Variants in MOG observed in about 807,000 individuals in gnomAD.
MOG encodes the protein myelin-oligodendrocyte glycoprotein.
MOG carries 20 observed loss-of-function variants against 35.9 expected under a neutral mutation model. That is an observed-to-expected ratio of 0.56 (90% CI 0.39 to 0.81). The LOEUF (loss-of-function observed/expected upper bound fraction) is 0.81, where lower values mean the gene tolerates loss of function less well. Ranked by LOEUF, MOG falls within the 30% of genes least tolerant of loss-of-function variation. MOG has a pLI of 0.00. For synonymous variants in MOG, 92 were observed against 114.3 expected (o/e 0.80, Z 1.25); for missense variants, 251 against 301.0 (o/e 0.83, Z 1.23).
chr6:29,667,605 A>C, intron 3 of MOG, 38 bp from the exon 4 acceptor site: 1 of 1,613,750 alleles, frequency 6.2e-7, no homozygotes, highest in Non-Finnish European at 8.5e-7. Context: ...GAGAGCCAGA[A>C]CATGCAGGAA....
In MOG at chr6:29,659,789, G is replaced by A. The variant is rs544244173; in HGVS notation, c.436+123G>A. ...TCCTGGGAATGATTTCCATAAAAAT[G>A]TACACATCAATAAACAGAAACTCAT... On this transcript the variant is annotated intron_variant, in intron 2 of 7. Coordinates refer to ENST00000376917, the MANE Select transcript of MOG (RefSeq NM_206809.4). The A allele has an allele frequency of 9.8e-6, 8 of 817,416 alleles. No homozygotes were observed. The Admixed American group carries it at 1.6e-4, about 17-fold the overall frequency. 50.6% of individuals were successfully genotyped at this position (817,416 alleles called of 1,614,324 possible). A position where few individuals can be genotyped will look rare whatever the true frequency, so the allele number is the denominator to read the frequency against.
chr6:29,671,429 C>T lies in MOG; in HGVS notation c.*244C>T, dbSNP rs1264408839. 1 of 1,610,434 alleles carries T rather than the reference C, an allele frequency of 6.2e-7. No individual in the cohort carries two copies. The highest frequency in any genetic ancestry group is 8.5e-7 in the Non-Finnish European group (1 of 1,177,752). On this transcript the variant is annotated 3_prime_UTR_variant, in exon 8 of 8. Transcript: ENST00000376917. ...TTCCATTTCTCTCTCCAGTCTTCCA[C>T]CTGGAAGCCCTCTCTGGCTAAGGAC...
At chr6:29,668,416 C>T (rs1387121107) in intron 5 of MOG, among the ~76,000 whole-genome samples, 2 of 152,220 alleles carry the variant, frequency 1.3e-5, no homozygotes, top group African/African-American at 4.8e-5. Flanking sequence ...ATTGACCCCT[C>T]AAGGACATGG....
intron 3 of MOG, among the ~76,000 whole-genome samples, chr6:29,667,191 T>C (rs2857771): frequency 0.072 from 10,885 of 152,170 alleles, 717 homozygotes; most frequent in African/African-American, 0.17. Context: ...AAAACATCCT[T>C]CGTCCTAAAT....
chr6:29,667,195 C>T (rs17178091), intron 3 of MOG, among the ~76,000 whole-genome samples: 3,690 of 152,244 alleles, frequency 0.024, 91 homozygotes, highest in African/African-American at 0.064. Context: ...CATCCTTCGT[C>T]CTAAATTGTA....
chr6:29,667,951 C>T, intron 5 of MOG, 27 bp downstream of exon 5: 1 of 1,612,352 alleles, frequency 6.2e-7, no homozygotes, highest in Non-Finnish European at 8.5e-7. Context: ...CTAGGCCCTC[C>T]CAGGTCAACT....
intron 2 of MOG, among the ~76,000 whole-genome samples, chr6:29,661,037 A>T (rs1447407700): frequency 6.6e-6 from 1 of 152,176 alleles, no homozygotes; most frequent in Non-Finnish European, 1.5e-5. Flanking sequence ...CATGTTTTGC[A>T]TGATGGGTGA....
In MOG at chr6:29,662,991, C is replaced by T. The variant is rs1357772290; in HGVS notation, c.437-3161C>T. ...AACACTTTTTAAAAAATAAATAGGC[C>T]GGGCGCGGTGGCTCACACCTGTAAT... On this transcript the variant is annotated intron_variant, in intron 2 of 7. Coordinates refer to ENST00000376917, the MANE Select transcript of MOG (RefSeq NM_206809.4). The surrounding 1 kb of genome is among the most constrained non-coding windows in gnomAD (Gnocchi z 4.2). Among the ~76,000 whole-genome samples, 3 of 152,116 alleles carry T rather than the reference C, an allele frequency of 2.0e-5. No individual in the cohort carries two copies. Among genetic ancestry groups the T allele is most frequent in the Non-Finnish European group, 4.4e-5 (3 of 68,024 alleles).
At chr6:29,666,396 G>A (rs1554207167) in intron 3 of MOG, 131 bp downstream of exon 3, 3 of 626,858 alleles carry the variant, frequency 4.8e-6, no homozygotes, top group Admixed American at 2.8e-5. Flanking sequence ...GAGTGATAAA[G>A]AAAAAAAATA....
chr6:29,663,739 G>A (rs1368851759), intron 2 of MOG, among the ~76,000 whole-genome samples: 1 of 152,020 alleles, frequency 6.6e-6, no homozygotes, highest in Non-Finnish European at 1.5e-5. Flanking sequence ...GGGGGGTTGG[G>A]AGAAAAAAAC....
intron 1 of MOG, among the ~76,000 whole-genome samples, chr6:29,657,553 G>A (rs576822530): frequency 7.9e-5 from 12 of 151,396 alleles, no homozygotes; most frequent in Non-Finnish European, 1.0e-4. Flanking sequence ...GCATGATCTC[G>A]GCTCACTGCA....
rs2127540303 is a variant in MOG at position 29,671,442 on chromosome 6, T to C, written c.*257T>C. 1 of 1,606,374 alleles carries C rather than the reference T, an allele frequency of 6.2e-7. No homozygotes were observed. Among genetic ancestry groups the C allele is most frequent in the East Asian group, 2.2e-5 (1 of 44,862 alleles). ...TCCAGTCTTCCACCTGGAAGCCCTCTCTGGCTAAGGACAGGCAGGTGCCCC... is the reference window on the plus strand; with the variant it reads ...TCCAGTCTTCCACCTGGAAGCCCTCCCTGGCTAAGGACAGGCAGGTGCCCC... On this transcript the variant is annotated 3_prime_UTR_variant, in exon 8 of 8. Coordinates refer to ENST00000376917, the MANE Select transcript of MOG (RefSeq NM_206809.4).
Position 29,670,534 on chromosome 6 carries a change from C to T in MOG, c.709+137C>T. ...TTTCCTTATTCCTCTGTCCCCATGC[C>T]CAACCCCAGGCTCTTCTGAGAAACT... On this transcript the variant is annotated intron_variant, in intron 6 of 7. Transcript: ENST00000376917. This position sits in a 1 kb window ranked among gnomAD's most constrained non-coding sequence, Gnocchi z 4.2. 1 of 1,514,174 alleles carries T rather than the reference C, an allele frequency of 6.6e-7. No homozygotes were observed. Among genetic ancestry groups the T allele is most frequent in the South Asian group, 1.1e-5 (1 of 88,552 alleles). 93.8% of individuals were successfully genotyped at this position (1,514,174 alleles called of 1,614,324 possible). A position where few individuals can be genotyped will look rare whatever the true frequency, so the allele number is the denominator to read the frequency against.
At position 29,672,329 on chromosome 6, in the gene MOG, TAAATA is replaced by T. The variant is rs771773451; in HGVS notation, c.*1148_*1152del. 1.0e-3 allele frequency: 289 copies of T among 284,264 alleles called. 1 individual carries two copies. Among genetic ancestry groups the T allele is most frequent in the Middle Eastern group, 2.1e-3 (2 of 970 alleles). 17.6% of individuals were successfully genotyped at this position (284,264 alleles called of 1,614,324 possible). On this transcript the variant is annotated 3_prime_UTR_variant, in exon 8 of 8. Transcript: ENST00000376917. Reference sequence around the variant, plus strand: ...ATAAATAAATAAATAAATAAATAAATAAATAAAAAATAATAATACAAGTTTTCATA... The same window carrying T: ...ATAAATAAATAAATAAATAAATAAATAAAAATAATAATACAAGTTTTCATA...
Position 29,670,395 on chromosome 6 carries a change from C to G in MOG, c.707C>G (p.Ala236Gly). 1 of 1,613,960 alleles carries G rather than the reference C, an allele frequency of 6.2e-7. No individual in the cohort carries two copies. Among genetic ancestry groups the G allele is most frequent in the Non-Finnish European group, 8.5e-7 (1 of 1,179,896 alleles). ...ICYNWLHRRL[A>G]GQFLEELRNP... Reference sequence around the variant, plus strand: ...TACAACTGGCTACATCGAAGACTAGCAGGTGCAGTGGCTGGGCAGCAGGCA... The same window carrying G: ...TACAACTGGCTACATCGAAGACTAGGAGGTGCAGTGGCTGGGCAGCAGGCA... Residue 236 changes from alanine to glycine, a missense_variant and splice_region_variant, in exon 6 of 8, where the codon GCA (alanine) becomes GGA (glycine). Transcript: ENST00000376917. This position sits in a 1 kb window ranked among gnomAD's most constrained non-coding sequence, Gnocchi z 4.2.
chr6:29,671,648 G>GGAA lies in MOG; in HGVS notation c.*466_*468dup, dbSNP rs1771477117. The GGAA allele has an allele frequency of 3.2e-6, 2 of 624,176 alleles. No homozygotes were observed. The allele number at this position is 624,176 out of a possible 1,614,324, so 38.7% of individuals were successfully genotyped here. ...GAAAGGCATGTGAAGGGAAGGAAGA[G>GGAA]GAAGAGTGCAAAACATTGAAGAGAG... On this transcript the variant is annotated 3_prime_UTR_variant, in exon 8 of 8. Transcript: ENST00000376917.
chr6:29,659,275 G>A (rs917069136), intron 1 of MOG, 44 bp from the exon 2 acceptor site: 2 of 1,599,408 alleles, frequency 1.3e-6, no homozygotes, highest in Non-Finnish European at 1.7e-6. Context: ...GCTTGCCAAG[G>A]TTCCCTCTGA....
intron 2 of MOG, chr6:29,663,995 A>G (rs1769552415): frequency 1.4e-6 from 1 of 692,906 alleles, no homozygotes; most frequent in Admixed American, 6.3e-5. Flanking sequence ...GATCAAGATG[A>G]AAAGGGCTTC....
intron 2 of MOG, chr6:29,664,737 T>C (rs1769797140): frequency 2.5e-6 from 1 of 400,752 alleles, no homozygotes; most frequent in Non-Finnish European, 4.9e-6. Flanking sequence ...CTTGAATAGC[T>C]GAGACCACAG....
Sources: allele counts gnomAD v4.1 joint callset (sites outside exome capture counted in the v4.1 genomes callset), GRCh38; gene constraint gnomAD v4.1.1; non-coding constraint Gnocchi (gnomAD v3.1); transcripts MANE v1.5; gene names NCBI Gene and HGNC (gene_info 2026-07-23, HGNC 2026-07-21).